Variants in FSTL4 observed in about 807,000 individuals in gnomAD.
FSTL4 encodes the protein follistatin like 4, also known as follistatin-related protein 4.
Under a neutral mutation model 78.2 loss-of-function variants are expected in FSTL4, and 28 were observed. That is an observed-to-expected ratio of 0.36 (90% CI 0.27 to 0.49). The LOEUF (loss-of-function observed/expected upper bound fraction) is 0.49, where lower values mean the gene tolerates loss of function less well. Among genes scored for constraint, FSTL4 ranks in the 20% least tolerant of loss-of-function variants. FSTL4 has a pLI of 0.98. For missense variants in FSTL4, 922 were observed against 1,084.9 expected, an observed-to-expected ratio of 0.85 and a Z score of 2.11; for synonymous variants, 422 against 440.5, an observed-to-expected ratio of 0.96 and a Z score of 0.53.
At chr5:133,345,719 C>T (rs541753438) in intron 4 of FSTL4, among the ~76,000 whole-genome samples, 5 of 152,090 alleles carry the variant, frequency 3.3e-5, no homozygotes, top group South Asian at 4.2e-4. Flanking sequence ...GTTAGAATGG[C>T]GATCATTAAA....
chr5:133,234,004 G>GT (rs1173245523), intron 7 of FSTL4, among the ~76,000 whole-genome samples: 4 of 152,264 alleles, frequency 2.6e-5, no homozygotes, highest in African/African-American at 9.6e-5. Context: ...GGGTAGCACA[G>GT]TTTCTGCCAA....
the FSTL4 span, among the ~76,000 whole-genome samples, chr5:133,764,508 C>A: frequency 6.6e-6 from 1 of 152,172 alleles, no homozygotes; most frequent in Non-Finnish European, 1.5e-5. Context: ...AGAATTAGCT[C>A]CCCCAATTCC....
chr5:133,822,308 G>T, the FSTL4 span, among the ~76,000 whole-genome samples: 116 of 152,290 alleles, frequency 7.6e-4, no homozygotes, highest in African/African-American at 2.7e-3. Flanking sequence ...TTAGCCTTTT[G>T]AGACCTCAAT....
At chr5:133,691,909 G>A in the FSTL4 span, among the ~76,000 whole-genome samples, 1 of 152,168 alleles carries the variant, frequency 6.6e-6, no homozygotes. Flanking sequence ...CTGGTTTACT[G>A]AACACCTACC....
At chr5:133,680,227 T>C in the FSTL4 span, among the ~76,000 whole-genome samples, 1 of 152,354 alleles carries the variant, frequency 6.6e-6, no homozygotes, top group South Asian at 2.1e-4. Flanking sequence ...TTCATTCATT[T>C]ATTCAACACT....
At chr5:133,457,630 G>A (rs931756575) in intron 3 of FSTL4, among the ~76,000 whole-genome samples, 6 of 152,216 alleles carry the variant, frequency 3.9e-5, no homozygotes, top group Admixed American at 2.0e-4. Flanking sequence ...CCAAGGCAGC[G>A]GGGCCAATCA....
At chr5:133,259,451 C>G (rs577873106) in intron 6 of FSTL4, among the ~76,000 whole-genome samples, 38 of 150,098 alleles carry the variant, frequency 2.5e-4, no homozygotes, top group Admixed American at 4.0e-4. Flanking sequence ...TTAGAGCAGG[C>G]AGAGCAAGGT....
intron 6 of FSTL4, among the ~76,000 whole-genome samples, chr5:133,267,197 G>A (rs1203356219): frequency 6.6e-6 from 1 of 152,192 alleles, no homozygotes; most frequent in Non-Finnish European, 1.5e-5. Context: ...CTGGGAGGAG[G>A]AGGTGCAGGA....
intron 3 of FSTL4, among the ~76,000 whole-genome samples, chr5:133,477,318 A>C (rs963554019): frequency 3.3e-5 from 5 of 152,248 alleles, no homozygotes; most frequent in Admixed American, 6.5e-5. Flanking sequence ...GATAACCAAT[A>C]AGCAGTTCAG....
the FSTL4 span, among the ~76,000 whole-genome samples, chr5:133,726,156 AG>A: frequency 6.6e-6 from 1 of 152,300 alleles, no homozygotes; most frequent in South Asian, 2.1e-4. Flanking sequence ...TGAGCAAGTC[AG>A]TGTCCCTATG....
chr5:133,259,333 TG>T (rs1170655522), intron 6 of FSTL4, among the ~76,000 whole-genome samples: 3 of 151,080 alleles, frequency 2.0e-5, no homozygotes, highest in Non-Finnish European at 4.4e-5. Flanking sequence ...TGAGGCAGGG[TG>T]GGGGCTTGGA....
chr5:133,626,588 C>A, the FSTL4 span, among the ~76,000 whole-genome samples: 2 of 151,412 alleles, frequency 1.3e-5, no homozygotes, highest in Non-Finnish European at 2.9e-5. Flanking sequence ...GATGTGTTCT[C>A]ATTTTCGTTC....
the FSTL4 span, among the ~76,000 whole-genome samples, chr5:133,622,022 T>A: frequency 6.6e-6 from 1 of 152,138 alleles, no homozygotes; most frequent in Non-Finnish European, 1.5e-5. Context: ...GTGGCTTTTT[T>A]ATGCCCATCC....
At chr5:133,483,181 C>T (rs982997299) in intron 3 of FSTL4, among the ~76,000 whole-genome samples, 85 of 152,320 alleles carry the variant, frequency 5.6e-4, no homozygotes, top group African/African-American at 1.9e-3. Flanking sequence ...TAAGATGTGC[C>T]TTTGCTCCTC....
rs914734692 is a variant in FSTL4, at chr5:133,264,685, TTCTC to T, written c.728-15113_728-15110del. Among the ~76,000 whole-genome samples the T allele has an allele frequency of 4.6e-5, 7 of 152,296 alleles. No individual in the cohort carries two copies. In the East Asian group the frequency reaches 1.4e-3, roughly 29 times the overall value. On this transcript the variant is annotated intron_variant, in intron 6 of 15. Transcript: ENST00000265342. ...AATCTCTTTCCCTTATATGGGACAT[TTCTC>T]TCTCTCTTCGTCTTGGGTAGGTTCT...
At chr5:133,407,643 G>C (rs561500893) in intron 3 of FSTL4, among the ~76,000 whole-genome samples, 3 of 152,204 alleles carry the variant, frequency 2.0e-5, no homozygotes, top group Admixed American at 6.5e-5. Context: ...CCTTTCATCT[G>C]TCAGGAGGCC....
chr5:133,661,706 A>C, the FSTL4 span, among the ~76,000 whole-genome samples: 1 of 152,240 alleles, frequency 6.6e-6, no homozygotes, highest in African/African-American at 2.4e-5. Context: ...TATAATACCC[A>C]ATCTACAGTA....
intron 7 of FSTL4, chr5:133,244,955 CA>C (rs1304201849): frequency 1.1e-3 from 162 of 151,686 alleles, no homozygotes; most frequent in Admixed American, 3.3e-3. Flanking sequence ...CCCCTCTCTA[CA>C]AAAAAATAAA....
chr5:133,292,911 T>G (rs1479355262), intron 6 of FSTL4, among the ~76,000 whole-genome samples: 1 of 152,262 alleles, frequency 6.6e-6, no homozygotes, highest in Non-Finnish European at 1.5e-5. Context: ...CTTCGTGGTC[T>G]AGCTTCACTG....
Sources: allele counts gnomAD v4.1 joint callset (sites outside exome capture counted in the v4.1 genomes callset), GRCh38; gene constraint gnomAD v4.1.1; transcripts MANE v1.5; gene names NCBI Gene and HGNC (gene_info 2026-07-23, HGNC 2026-07-21).